SH2B2: variants seen among roughly 807,000 people sequenced by gnomAD.
The protein encoded by SH2B2 is SH2B adapter protein 2.
In SH2B2, 37 loss-of-function variants were observed where a neutral mutation model predicts 35.7. That is an observed-to-expected ratio of 1.04 (90% CI 0.80 to 1.36). The LOEUF (loss-of-function observed/expected upper bound fraction) is 1.36, where lower values mean the gene tolerates loss of function less well. Among genes scored for constraint, SH2B2 ranks in the 40% most tolerant of loss-of-function variants. The probability of loss-of-function intolerance (pLI) is 0.00; values close to 1 mark genes in which losing one functional copy is unlikely to be tolerated. For synonymous variants in SH2B2, 383 were observed against 376.4 expected (o/e 1.02, Z -0.20); for missense variants, 852 against 817.7 (o/e 1.04, Z -0.51).
chr7:102,286,442 C>T (rs1435510025), upstream of SH2B2, among the ~76,000 whole-genome samples: 4 of 152,180 alleles, frequency 2.6e-5, no homozygotes, highest in African/African-American at 9.6e-5. Flanking sequence ...CGAGGGCGTC[C>T]GCGTCCCATA....
chr7:102,288,478 A>T (rs575800219), intron 1 of SH2B2, among the ~76,000 whole-genome samples: 1 of 152,204 alleles, frequency 6.6e-6, no homozygotes, highest in East Asian at 1.9e-4. Context: ...GCTTGGTTGA[A>T]TGCTTCTAGG....
At chr7:102,315,290 C>A (rs1229208029) in intron 6 of SH2B2, among the ~76,000 whole-genome samples, 3 of 151,996 alleles carry the variant, frequency 2.0e-5, no homozygotes, top group African/African-American at 4.8e-5. Flanking sequence ...TCACTTGAAG[C>A]CAGGAGTTTG....
rs1554558617 is a variant in SH2B2, at chr7:102,321,483, C to G, written c.1752C>G (p.Arg584=). 8.5e-7 allele frequency: 1 copy of G among 1,181,388 alleles called. No individual in the cohort carries two copies. Among genetic ancestry groups the G allele is most frequent in the Non-Finnish European group, 1.0e-6 (1 of 953,680 alleles). The allele number at this position is 1,181,388 out of a possible 1,614,324, so 73.2% of individuals were successfully genotyped here. Residue 584 remains arginine (R), a synonymous_variant, in exon 9 of 9, where the codon CGC becomes CGG. Transcript: ENST00000444095. ...CCGCGTCGGGGCCCGCCCCCCCGCG[C>G]CCCGTCGAGGGCCAGCTCAGCGCGC... ...SSAASGPAPP[R]PVEGQLSARS... is the part of the protein sequence containing the mutation.
At chr7:102,303,205 G>A in intron 2 of SH2B2, among the ~76,000 whole-genome samples, 1 of 149,364 alleles carries the variant, frequency 6.7e-6, no homozygotes. Context: ...CAGCAAGAGC[G>A]AAACTCTGTC....
At chr7:102,306,339 T>G (rs1793398598) in intron 2 of SH2B2, among the ~76,000 whole-genome samples, 1 of 152,204 alleles carries the variant, frequency 6.6e-6, no homozygotes, top group African/African-American at 2.4e-5. Context: ...TCCGCCCGCC[T>G]CGGCCTCCCA....
At chr7:102,292,100 C>A (rs1554551870) in intron 1 of SH2B2, among the ~76,000 whole-genome samples, 1 of 152,040 alleles carries the variant, frequency 6.6e-6, no homozygotes. Context: ...CATGGCTGGG[C>A]AGGTTTTCTG....
chr7:102,302,901 G>C (rs1401926582), intron 2 of SH2B2, among the ~76,000 whole-genome samples: 1 of 152,090 alleles, frequency 6.6e-6, no homozygotes, highest in Non-Finnish European at 1.5e-5. Context: ...CTAGGCGACA[G>C]AGTGAGACCC....
chr7:102,296,476 C>T (rs1416655554), intron 1 of SH2B2, among the ~76,000 whole-genome samples: 7 of 152,206 alleles, frequency 4.6e-5, no homozygotes, highest in African/African-American at 1.4e-4. Flanking sequence ...ACTACATCAC[C>T]GCACTTTATC....
chr7:102,300,575 G>A lies in SH2B2; in HGVS notation c.25G>A (p.Ala9Thr), dbSNP rs1793109736. Reference sequence around the variant, plus strand: ...CATGAATGGTGCCGGCCCTGGCCCCGCCGCAGCCGCCCCGGTCCCAGTCCC... The same window carrying A: ...CATGAATGGTGCCGGCCCTGGCCCCACCGCAGCCGCCCCGGTCCCAGTCCC... MNGAGPGP[A>T]AAAPVPVPVP... The change falls in exon 2 of 9, where the codon GCC (alanine) becomes ACC (threonine). Residue 9 changes from alanine (A) to threonine (T), a missense_variant. Coordinates refer to ENST00000444095, the MANE Select transcript of SH2B2 (RefSeq NM_001359228.2). 6.5e-7 allele frequency: 1 copy of A among 1,548,594 alleles called. No individual in the cohort carries two copies. Among genetic ancestry groups the A allele is most frequent in the African/African-American group, 1.4e-5 (1 of 73,136 alleles).
chr7:102,294,816 T>C (rs960345353), intron 1 of SH2B2, among the ~76,000 whole-genome samples: 3 of 152,164 alleles, frequency 2.0e-5, no homozygotes, highest in Admixed American at 1.3e-4. Context: ...TGGAGACTTA[T>C]ACCTCTAGCT....
At chr7:102,317,723 C>G (rs1793906829) in intron 7 of SH2B2, among the ~76,000 whole-genome samples, 1 of 152,182 alleles carries the variant, frequency 6.6e-6, no homozygotes, top group Non-Finnish European at 1.5e-5. Flanking sequence ...CGCGGGGGAT[C>G]TCATAGCACT....
chr7:102,321,650 G>T lies in SH2B2; in HGVS notation c.*20G>T. 1 of 1,133,738 alleles carries T rather than the reference G, an allele frequency of 8.8e-7. No individual in the cohort carries two copies. Among genetic ancestry groups the T allele is most frequent in the South Asian group, 4.1e-5 (1 of 24,536 alleles). 70.2% of individuals were successfully genotyped at this position (1,133,738 alleles called of 1,614,324 possible). ...TACTAGCCCGCGGCGCCGCCCGGGT[G>T]GGACACGCCAAGCTCTTCAGTGAAG... On this transcript the variant is annotated 3_prime_UTR_variant, in exon 9 of 9. Coordinates refer to ENST00000444095, the MANE Select transcript of SH2B2 (RefSeq NM_001359228.2).
At chr7:102,318,483 G>C (rs1554557594) in intron 7 of SH2B2, among the ~76,000 whole-genome samples, 1 of 152,148 alleles carries the variant, frequency 6.6e-6, no homozygotes, top group Non-Finnish European at 1.5e-5. Context: ...AAAGGCAAAT[G>C]ATTATGGGGG....
In SH2B2 at chr7:102,300,983, G is replaced by T; in HGVS notation, c.433G>T (p.Val145Leu). Residue 145 changes from valine (V) to leucine (L), a missense_variant, in exon 2 of 9, where the codon GTG becomes TTG. Val to Leu is a conservative substitution (Grantham distance 32). Transcript: ENST00000444095. ...GCTGCGCAACATGAGCCTGTGCGTG[G>T]TGGACGGCGTGCGCGACATGTGGCA... ...FSLRNMSLCVVDGVRDMWHRR... is the reference protein window; with the variant it reads ...FSLRNMSLCVLDGVRDMWHRR... 1.4e-6 allele frequency: 2 copies of T among 1,455,732 alleles called. No individual in the cohort carries two copies. The highest frequency in any genetic ancestry group is 1.8e-6 in the Non-Finnish European group (2 of 1,106,302). The allele number at this position is 1,455,732 out of a possible 1,614,324, so 90.2% of individuals were successfully genotyped here.
chr7:102,297,429 A>T lies in SH2B2; in HGVS notation c.-29-3093A>T, dbSNP rs1792967853. ...CACACACACACACACACACACACAC[A>T]CGCAGTATACAGAGGTTCAGTATTA... On this transcript the variant is annotated intron_variant, in intron 1 of 8. Transcript: ENST00000444095. This position sits in a 1 kb window ranked among gnomAD's most constrained non-coding sequence, Gnocchi z 4.3. Among the ~76,000 whole-genome samples the T allele has an allele frequency of 1.3e-5, 2 of 149,394 alleles. No homozygotes were observed. Among genetic ancestry groups the T allele is most frequent in the Non-Finnish European group, 3.0e-5 (2 of 67,190 alleles).
chr7:102,317,091 A>G (rs1333674317), intron 6 of SH2B2, 96 bp from the exon 7 acceptor site: 3 of 1,060,222 alleles, frequency 2.8e-6, no homozygotes, highest in Admixed American at 2.8e-5. Context: ...TTGCATGTAA[A>G]AAAACCAACA....
At chr7:102,304,180 C>A (rs1554554437) in intron 2 of SH2B2, among the ~76,000 whole-genome samples, 1 of 152,166 alleles carries the variant, frequency 6.6e-6, no homozygotes, top group Non-Finnish European at 1.5e-5. Flanking sequence ...CTCCAAGAGG[C>A]CTAGATGCAC....
At chr7:102,306,126 G>A (rs562995184) in intron 2 of SH2B2, among the ~76,000 whole-genome samples, 13 of 151,540 alleles carry the variant, frequency 8.6e-5, no homozygotes, top group Non-Finnish European at 1.3e-4. Context: ...CATTCTTGTC[G>A]CCCAGGCTGG....
Position 102,320,473 on chromosome 7 carries a change from G to T in SH2B2, c.1538G>T (p.Ser513Ile). Residue 513 changes from serine (S) to isoleucine (I), a missense_variant, in exon 8 of 9, where the codon AGC (serine) becomes ATC (isoleucine). Transcript: ENST00000444095. ...GGCTCGGCCGACATCACCCTTCGCAGCTATGTGCGGGCCCAGGACCCCCCA... is the reference window on the plus strand; with the variant it reads ...GGCTCGGCCGACATCACCCTTCGCATCTATGTGCGGGCCCAGGACCCCCCA... ...SGGSADITLR[S>I]YVRAQDPPPE... 6.2e-7 allele frequency: 1 copy of T among 1,613,644 alleles called. No individual in the cohort carries two copies. The highest frequency in any genetic ancestry group is 8.5e-7 in the Non-Finnish European group (1 of 1,179,854).
Sources: gnomAD v4.1 joint callset for allele counts (sites outside exome capture counted in the v4.1 genomes callset) on GRCh38, gnomAD v4.1.1 for gene constraint, Gnocchi (gnomAD v3.1) non-coding constraint, MANE v1.5 for transcripts, NCBI Gene and HGNC (gene_info 2026-07-23, HGNC 2026-07-21) for gene names.